ARFGEF2: variants seen among roughly 807,000 people sequenced by gnomAD.
The protein encoded by ARFGEF2 is brefeldin A-inhibited guanine nucleotide-exchange protein 2.
In ARFGEF2, 74 loss-of-function variants were observed where a neutral mutation model predicts 219.9. The observed-to-expected ratio is 0.34, with a 90% CI of 0.28 to 0.41. The LOEUF is 0.41. Ranked by LOEUF, ARFGEF2 falls within the 10% of genes least tolerant of loss-of-function variation. The probability of loss-of-function intolerance (pLI) is 1.00; values close to 1 mark genes in which losing one functional copy is unlikely to be tolerated. For missense variants in ARFGEF2, 1,743 were observed against 2,218.3 expected (o/e 0.79, Z 4.30); for synonymous variants, 733 against 799.2 (o/e 0.92, Z 1.40).
At chr20:48,972,512 T>C (rs1169616333) in intron 11 of ARFGEF2, 87 bp downstream of exon 11, 3 of 1,057,556 alleles carry the variant, frequency 2.8e-6, no homozygotes, top group African/African-American at 3.1e-5. Flanking sequence ...CCCCTCCTTT[T>C]AGAGTTTTAA....
In ARFGEF2 at chr20:48,921,791, G is replaced by T. The variant is rs1018960445; in HGVS notation, c.-99G>T. The T allele has an allele frequency of 4.2e-5, 49 of 1,160,284 alleles. No homozygotes were observed. In the African/African-American group the frequency reaches 6.7e-4, roughly 16 times the overall value. 71.9% of individuals were successfully genotyped at this position (1,160,284 alleles called of 1,614,324 possible). A position where few individuals can be genotyped will look rare whatever the true frequency, so the allele number is the denominator to read the frequency against. On this transcript the variant is annotated 5_prime_UTR_variant, in exon 1 of 39. Transcript: ENST00000371917. ...TCCTGACGGGGCGGCGCGGACGGAC[G>T]CGGCCGGTGCCGGCCGGGACGCCGG...
In ARFGEF2 at chr20:48,963,906, C is replaced by T. The variant is rs1240015183; in HGVS notation, c.907+8C>T. The stretch of plus-strand genomic sequence containing the variant: ...TCACATCTGCCATTAAAGGTAAGAA[C>T]CAAGGACAACCCAGCCTTTCCTCTT... On this transcript the variant is annotated splice_region_variant and intron_variant, in intron 7 of 38. Transcript: ENST00000371917. 6 of 1,613,276 alleles carry T rather than the reference C, an allele frequency of 3.7e-6. No homozygotes were observed. The highest frequency in any genetic ancestry group is 5.1e-6 in the Non-Finnish European group (6 of 1,179,676).
Position 49,014,088 on chromosome 20 carries a change from A to C in ARFGEF2, c.4179+128A>C, listed in dbSNP as rs890152040. ...AAATACTGAGCAACTTAAGGTTTTA[A>C]AAATGGAAACACCTTTCTGATACTC... On this transcript the variant is annotated intron_variant, in intron 30 of 38. Coordinates refer to ENST00000371917, the MANE Select transcript of ARFGEF2 (RefSeq NM_006420.3). 3.2e-6 allele frequency: 4 copies of C among 1,260,058 alleles called. No homozygotes were observed. The African/African-American group carries it at 5.9e-5, about 19-fold the overall frequency. 78.1% of individuals were successfully genotyped at this position (1,260,058 alleles called of 1,614,324 possible).
chr20:49,017,182 A>G, intron 31 of ARFGEF2, 67 bp from the exon 32 acceptor site: 9 of 1,536,824 alleles, frequency 5.9e-6, no homozygotes, highest in South Asian at 1.1e-5. Flanking sequence ...AATATACAGT[A>G]TTTGAGACCT....
At chr20:48,995,156 A>C (rs1568727463) in intron 22 of ARFGEF2, among the ~76,000 whole-genome samples, 2 of 152,210 alleles carry the variant, frequency 1.3e-5, no homozygotes. Context: ...CAATGAGAAC[A>C]GGGACTGTTA....
At chr20:49,028,206 C>G (rs1296461689) in intron 36 of ARFGEF2, among the ~76,000 whole-genome samples, 1 of 151,782 alleles carries the variant, frequency 6.6e-6, no homozygotes, top group Non-Finnish European at 1.5e-5. Flanking sequence ...TGCAGTGAGC[C>G]GAGATAATGC....
chr20:48,984,725 A>T lies in ARFGEF2; in HGVS notation c.1959-4A>T. ...AACTTGTGTCCCATCTCTGCTTGAA[A>T]CAGGTTCAACAAGAAACCCAAGAGG... On this transcript the variant is annotated splice_region_variant and splice_polypyrimidine_tract_variant and intron_variant, in intron 14 of 38. Coordinates refer to ENST00000371917, the MANE Select transcript of ARFGEF2 (RefSeq NM_006420.3). 1.2e-6 allele frequency: 2 copies of T among 1,614,062 alleles called. No individual in the cohort carries two copies. The highest frequency in any genetic ancestry group is 1.7e-6 in the Non-Finnish European group (2 of 1,180,024).
intron 3 of ARFGEF2, among the ~76,000 whole-genome samples, chr20:48,946,902 T>C (rs2091032207): frequency 6.6e-6 from 1 of 151,316 alleles, no homozygotes; most frequent in Non-Finnish European, 1.5e-5. Flanking sequence ...CCTGGACTCA[T>C]GTAATCCTCC....
At position 48,998,108 on chromosome 20, in the gene ARFGEF2, C is replaced by CCT. The variant is rs1429714450; in HGVS notation, c.3222-83_3222-82dup. On this transcript the variant is annotated intron_variant, in intron 23 of 38. Transcript: ENST00000371917. ...CTCCTGACCTCAAGTGATACACCCT[C>CCT]CTCGGCCTCCCAAAGTGCTGAGATT... 2.5e-5 allele frequency: 32 copies of CCT among 1,268,008 alleles called. No homozygotes were observed. The African/African-American group carries it at 4.7e-4, about 19-fold the overall frequency. The allele number at this position is 1,268,008 out of a possible 1,614,324, so 78.5% of individuals were successfully genotyped here. A position where few individuals can be genotyped will look rare whatever the true frequency, so the allele number is the denominator to read the frequency against.
intron 9 of ARFGEF2, among the ~76,000 whole-genome samples, 165 bp downstream of exon 9, chr20:48,969,442 G>A (rs552606211): frequency 6.6e-6 from 1 of 152,230 alleles, no homozygotes; most frequent in Non-Finnish European, 1.5e-5. Flanking sequence ...AGTCTCTAGA[G>A]TCCTTTCATA....
At chr20:49,025,629 G>T (rs2091597437) in intron 36 of ARFGEF2, 148 bp downstream of exon 36, 2 of 923,942 alleles carry the variant, frequency 2.2e-6, no homozygotes, top group Non-Finnish European at 3.4e-6. Flanking sequence ...GGGAAATGTT[G>T]GATAGGTTTC....
In ARFGEF2 at chr20:48,951,313, C is replaced by A. The variant is rs759261057; in HGVS notation, c.277-10C>A. ...CAGAAATGTATAATCTCTGTTCTTT[C>A]TCTCTTTAGAAACTCATCGCATACG... On this transcript the variant is annotated splice_polypyrimidine_tract_variant and intron_variant, in intron 3 of 38. Transcript: ENST00000371917. 6.2e-7 allele frequency: 1 copy of A among 1,614,014 alleles called. No homozygotes were observed. The highest frequency in any genetic ancestry group is 1.1e-5 in the South Asian group (1 of 91,068).
At chr20:48,995,930 G>A in intron 23 of ARFGEF2, 48 bp downstream of exon 23, 1 of 1,531,964 alleles carries the variant, frequency 6.5e-7, no homozygotes, top group Non-Finnish European at 9.0e-7. Flanking sequence ...GTGGTTTGGT[G>A]GCCTCTCTGT....
chr20:48,991,193 C>T lies in ARFGEF2; in HGVS notation c.2968C>T (p.His990Tyr), dbSNP rs1432703559. 1 of 1,614,214 alleles carries T rather than the reference C, an allele frequency of 6.2e-7. No individual in the cohort carries two copies. The highest frequency in any genetic ancestry group is 1.1e-5 in the South Asian group (1 of 91,088). Residue 990 changes from histidine (H) to tyrosine (Y), a missense_variant, in exon 21 of 39, where the codon CAT (histidine) becomes TAT (tyrosine). His to Tyr is a moderately conservative substitution (Grantham distance 83). Transcript: ENST00000371917. Reference sequence around the variant, plus strand: ...TGGCAACTACCTTGGGAATTCCTGGCATGAGGTACGTGTCTCTTTGAATTG... The same window carrying T: ...TGGCAACTACCTTGGGAATTCCTGGTATGAGGTACGTGTCTCTTTGAATTG... ...TDGNYLGNSWHEILKCISQLE... is the reference protein window; with the variant it reads ...TDGNYLGNSWYEILKCISQLE...
intron 11 of ARFGEF2, among the ~76,000 whole-genome samples, 154 bp downstream of exon 11, chr20:48,972,579 A>G (rs999333388): frequency 2.0e-5 from 3 of 152,138 alleles, no homozygotes; most frequent in Non-Finnish European, 4.4e-5. Flanking sequence ...CTCCTTTTTT[A>G]GAGGATGACC....
chr20:48,921,754 C>G lies in ARFGEF2; in HGVS notation c.-136C>G. 1 of 926,142 alleles carries G rather than the reference C, an allele frequency of 1.1e-6. No homozygotes were observed. Among genetic ancestry groups the G allele is most frequent in the Non-Finnish European group, 1.4e-6 (1 of 735,764 alleles). The allele number at this position is 926,142 out of a possible 1,614,324, so 57.4% of individuals were successfully genotyped here. ...CTCCAACATGGCGGCGCCGTGGGGC[C>G]GAGGTGTCGCTTCCTGACGGGGCGG... On this transcript the variant is annotated 5_prime_UTR_variant, in exon 1 of 39. Transcript: ENST00000371917.
chr20:49,001,302 A>C (rs1385047224), intron 25 of ARFGEF2, among the ~76,000 whole-genome samples: 6 of 152,036 alleles, frequency 3.9e-5, no homozygotes, highest in Non-Finnish European at 7.4e-5. Context: ...AGCCTCCGAA[A>C]GTGTTGCGAT....
At chr20:48,950,868 A>G (rs1408276024) in intron 3 of ARFGEF2, among the ~76,000 whole-genome samples, 2 of 145,888 alleles carry the variant, frequency 1.4e-5, no homozygotes, top group South Asian at 4.4e-4. Flanking sequence ...ACATGCACAC[A>G]CACACACACA....
At chr20:48,945,712 A>G (rs1241751161) in intron 3 of ARFGEF2, among the ~76,000 whole-genome samples, 1 of 152,128 alleles carries the variant, frequency 6.6e-6, no homozygotes, top group Non-Finnish European at 1.5e-5. Flanking sequence ...TAAAAATAAA[A>G]AGTTAGCTGG....
Sources: allele counts gnomAD v4.1 joint callset (sites outside exome capture counted in the v4.1 genomes callset), GRCh38; gene constraint gnomAD v4.1.1; transcripts MANE v1.5; gene names NCBI Gene and HGNC (gene_info 2026-07-23, HGNC 2026-07-21).